ADAM19: variants seen among roughly 807,000 people sequenced by gnomAD.
ADAM19 encodes the protein ADAM metallopeptidase domain 19, also known as disintegrin and metalloproteinase domain-containing protein 19.
In ADAM19, 65 loss-of-function variants were observed where a neutral mutation model predicts 114.7. That is an observed-to-expected ratio of 0.57 (90% CI 0.46 to 0.70). The LOEUF (loss-of-function observed/expected upper bound fraction) is 0.70. Among genes scored for constraint, ADAM19 ranks in the 30% least tolerant of loss-of-function variants. The probability of loss-of-function intolerance (pLI) is 0.00; values close to 1 mark genes in which losing one functional copy is unlikely to be tolerated. For missense variants in ADAM19, 1,063 were observed against 1,204.7 expected (o/e 0.88, Z 1.74); for synonymous variants, 466 against 460.5 (o/e 1.01, Z -0.15).
chr5:157,526,515 C>G (rs1299371012), intron 5 of ADAM19, among the ~76,000 whole-genome samples: 1 of 152,172 alleles, frequency 6.6e-6, no homozygotes, highest in African/African-American at 2.4e-5. Flanking sequence ...GTCAGAGACA[C>G]CTTAACCCAG....
rs984575035 is a variant in ADAM19 at position 157,479,237 on chromosome 5, G to A, written c.*1712C>T. The A allele has an allele frequency of 4.1e-6, 4 of 985,698 alleles. No homozygotes were observed. The African/African-American group carries it at 5.2e-5, about 13-fold the overall frequency. 61.1% of individuals were successfully genotyped at this position (985,698 alleles called of 1,614,324 possible). On this transcript the variant is annotated 3_prime_UTR_variant, in exon 23 of 23. Transcript: ENST00000257527. ...AACCCAACCCAGGCTTTTCCCCCAG[G>A]GGTACATCCCGTATTTTCCACTTAT...
chr5:157,506,447 C>G (rs563628212), intron 10 of ADAM19, among the ~76,000 whole-genome samples: 1 of 152,336 alleles, frequency 6.6e-6, no homozygotes, highest in East Asian at 1.9e-4. Context: ...CATTAACTCA[C>G]CCAAAATCAC....
intron 5 of ADAM19, among the ~76,000 whole-genome samples, chr5:157,529,044 C>A (rs1717733880): frequency 6.6e-6 from 1 of 152,226 alleles, no homozygotes; most frequent in African/African-American, 2.4e-5. Flanking sequence ...CTTCCCAATT[C>A]TGCCTTCAAT....
intron 21 of ADAM19, among the ~76,000 whole-genome samples, chr5:157,485,245 T>C (rs1183993330): frequency 6.6e-6 from 1 of 152,252 alleles, no homozygotes; most frequent in East Asian, 1.9e-4. Flanking sequence ...TTAAATCTTC[T>C]AACTAGGACA....
intron 4 of ADAM19, 59 bp downstream of exon 4, chr5:157,537,854 C>G: frequency 4.7e-6 from 7 of 1,485,168 alleles, no homozygotes; most frequent in Non-Finnish European, 6.6e-6. Flanking sequence ...TCCTGAGGTC[C>G]TAGGAGTAGG....
At chr5:157,531,208 G>A (rs1447991898) in intron 4 of ADAM19, among the ~76,000 whole-genome samples, 1 of 152,178 alleles carries the variant, frequency 6.6e-6, no homozygotes, top group Non-Finnish European at 1.5e-5. Context: ...AGGAATCAGT[G>A]TTTTCTGTGG....
chr5:157,575,716 GC>G lies in ADAM19; in HGVS notation c.-21del. 1 of 1,309,450 alleles carries G rather than the reference GC, an allele frequency of 7.6e-7. No individual in the cohort carries two copies. Among genetic ancestry groups the G allele is most frequent in the Non-Finnish European group, 9.7e-7 (1 of 1,030,752 alleles). The allele number at this position is 1,309,450 out of a possible 1,614,324, so 81.1% of individuals were successfully genotyped here. ...TGGCATGGTGGCGGCGGCCCTTAGC[GC>G]TCGGCGCTCACACGCCCTCAGCCAT... On this transcript the variant is annotated 5_prime_UTR_variant, in exon 1 of 23. Transcript: ENST00000257527.
At chr5:157,537,349 A>G (rs1189195915) in intron 4 of ADAM19, among the ~76,000 whole-genome samples, 2 of 152,236 alleles carry the variant, frequency 1.3e-5, no homozygotes, top group African/African-American at 4.8e-5. Context: ...CATTTTCTAA[A>G]TGAAAGATCT....
At chr5:157,499,329 G>GA (rs947536760) in intron 13 of ADAM19, among the ~76,000 whole-genome samples, 37 of 146,880 alleles carry the variant, frequency 2.5e-4, no homozygotes, top group African/African-American at 8.0e-4. Flanking sequence ...CTTTAAAAAA[G>GA]AAAAAAAAAA....
chr5:157,484,653 T>C (rs1463780795), intron 21 of ADAM19, among the ~76,000 whole-genome samples: 1 of 152,212 alleles, frequency 6.6e-6, no homozygotes, highest in Non-Finnish European at 1.5e-5. Flanking sequence ...AAGCAAATTC[T>C]TAAGGCCAAA....
At chr5:157,490,504 A>G in intron 18 of ADAM19, 50 bp from the exon 19 acceptor site, 1 of 1,595,528 alleles carries the variant, frequency 6.3e-7, no homozygotes, top group East Asian at 2.3e-5. Context: ...TCTCGGCTAC[A>G]GCAGATTTCA....
In ADAM19 at chr5:157,481,777, T is replaced by C. The variant is rs1754758192; in HGVS notation, c.2703+14A>G. 1.3e-6 allele frequency: 2 copies of C among 1,564,132 alleles called. No homozygotes were observed. The highest frequency in any genetic ancestry group is 1.3e-5 in the African/African-American group (1 of 74,126). On this transcript the variant is annotated intron_variant, in intron 22 of 22. Coordinates refer to ENST00000257527, the MANE Select transcript of ADAM19 (RefSeq NM_033274.5). ...GGTACCAGCTTTCACCTTGAGGGCTTCCCGTGGACTCACCTTTGGGGCAAG... is the reference window on the plus strand; with the variant it reads ...GGTACCAGCTTTCACCTTGAGGGCTCCCCGTGGACTCACCTTTGGGGCAAG...
Position 157,489,131 on chromosome 5 carries a change from T to C in ADAM19, c.2296A>G (p.Lys766Glu), listed in dbSNP as rs759739166. 9 of 1,614,126 alleles carry C rather than the reference T, an allele frequency of 5.6e-6. No individual in the cohort carries two copies. In the Admixed American group the frequency reaches 1.5e-4, roughly 27 times the overall value. ...CGCTTGCCCTGGGGCGTCTGCAGCT[T>C]GAAAGTTGGGTTGGCATGACCAGTC... ...SGTGHANPTFKLQTPQGKRKV... is the reference protein window; with the variant it reads ...SGTGHANPTFELQTPQGKRKV... The change falls in exon 20 of 23, where the codon AAG becomes GAG. Residue 766 changes from lysine to glutamate, a missense_variant. Physicochemically the swap from Lys to Glu is moderately conservative, Grantham distance 56. This residue lies in a region of ADAM19 where 424 missense variants were observed against 445.5 expected (regional missense o/e 0.95). Transcript: ENST00000257527.
intron 2 of ADAM19, chr5:157,566,263 T>C (rs982531981): frequency 2.0e-5 from 3 of 152,214 alleles, no homozygotes; most frequent in Non-Finnish European, 2.9e-5. Flanking sequence ...GTTAAATTAC[T>C]GACAAAATGT....
chr5:157,491,789 C>T (rs771703929), intron 17 of ADAM19, 46 bp downstream of exon 17: 1 of 1,612,900 alleles, frequency 6.2e-7, no homozygotes, highest in Non-Finnish European at 8.5e-7. Flanking sequence ...AGGGCCTGCC[C>T]TCATGACGTC....
chr5:157,479,973 GC>G lies in ADAM19; in HGVS notation c.*975del. On this transcript the variant is annotated 3_prime_UTR_variant, in exon 23 of 23. Coordinates refer to ENST00000257527, the MANE Select transcript of ADAM19 (RefSeq NM_033274.5). ...ATAAACATATGACCCCAATGGCCATGCCCCAAGTCTACTCTGGTCACACTCC... is the reference window on the plus strand; with the variant it reads ...ATAAACATATGACCCCAATGGCCATGCCCAAGTCTACTCTGGTCACACTCC... 1 of 985,860 alleles carries G rather than the reference GC, an allele frequency of 1.0e-6. No homozygotes were observed. The highest frequency in any genetic ancestry group is 1.2e-6 in the Non-Finnish European group (1 of 829,950). The allele number at this position is 985,860 out of a possible 1,614,324, so 61.1% of individuals were successfully genotyped here.
rs367592665 is a variant in ADAM19 at position 157,572,088 on chromosome 5, G to GTTT, written c.95-1111_95-1109dup. On this transcript the variant is annotated intron_variant, in intron 1 of 22. Transcript: ENST00000257527. ...CTGGGAAGTAGGAAGTAGGAGTCCTGTTTTTTTTTTCTTTTGAGACGGAGT... is the reference window on the plus strand; with the variant it reads ...CTGGGAAGTAGGAAGTAGGAGTCCTGTTTTTTTTTTTTTCTTTTGAGACGGAGT... Among the ~76,000 whole-genome samples, 286 of 149,732 alleles carry GTTT rather than the reference G, an allele frequency of 1.9e-3. 2 individuals are homozygous for GTTT. Among genetic ancestry groups the GTTT allele is most frequent in the Middle Eastern group, 6.8e-3 (2 of 292 alleles).
chr5:157,479,552 G>C lies in ADAM19; in HGVS notation c.*1397C>G. On this transcript the variant is annotated 3_prime_UTR_variant, in exon 23 of 23. Transcript: ENST00000257527. The stretch of plus-strand genomic sequence containing the variant: ...CGTCCTATCTAGCAAAGCACCACAC[G>C]GCCCTCCTTCCCTGCTGCAGGGAAG... 3.0e-6 allele frequency: 3 copies of C among 985,630 alleles called. No individual in the cohort carries two copies. Among genetic ancestry groups the C allele is most frequent in the Non-Finnish European group, 2.4e-6 (2 of 829,924 alleles). The allele number at this position is 985,630 out of a possible 1,614,324, so 61.1% of individuals were successfully genotyped here.
At chr5:157,489,573 G>A (rs1755077669) in intron 19 of ADAM19, among the ~76,000 whole-genome samples, 1 of 152,224 alleles carries the variant, frequency 6.6e-6, no homozygotes, top group Non-Finnish European at 1.5e-5. Flanking sequence ...GTGACTCAGA[G>A]ACTGTACATC....
Sources: gnomAD v4.1 joint callset for allele counts (sites outside exome capture counted in the v4.1 genomes callset) on GRCh38, gnomAD v4.1.1 for gene constraint, gnomAD v4.1.1 regional missense constraint, MANE v1.5 for transcripts, NCBI Gene and HGNC (gene_info 2026-07-23, HGNC 2026-07-21) for gene names.